The following PCDHA6 variants were observed in gnomAD, a reference collection of about 807,000 sequenced individuals.
PCDHA6 encodes protocadherin alpha 6.
A neutral mutation model predicts 60.3 loss-of-function variants in PCDHA6; 55 were observed. The ratio of observed to expected loss-of-function variants is 0.91; its 90% CI spans 0.73 to 1.14. PCDHA6 has a LOEUF of 1.14. PCDHA6 is among the 50% of genes most tolerant of loss of function. The pLI is 0.00. For missense variants in PCDHA6, 1,327 were observed against 1,256.5 expected, an observed-to-expected ratio of 1.06 and a Z score of -0.85; for synonymous variants, 652 against 557.9, an observed-to-expected ratio of 1.17 and a Z score of -2.38.
At chr5:140,917,157 G>A (rs77234668) in intron 1 of PCDHA6, among the ~76,000 whole-genome samples, 2,784 of 152,240 alleles carry the variant, frequency 0.018, 84 homozygotes, top group African/African-American at 0.063. Context: ...TGGGGGATAT[G>A]GGAGGGGTGA....
At chr5:140,859,113 T>C (rs1042936960) in intron 1 of PCDHA6, 1 of 150,138 alleles carries the variant, frequency 6.7e-6, no homozygotes, top group Non-Finnish European at 1.5e-5. Context: ...CAGAAGAAAA[T>C]GTATGTTTCT....
At chr5:140,899,781 T>C (rs1187719719) in intron 1 of PCDHA6, among the ~76,000 whole-genome samples, 1 of 152,218 alleles carries the variant, frequency 6.6e-6, no homozygotes, top group Non-Finnish European at 1.5e-5. Context: ...TTACCTCTGG[T>C]ATAATTCGGC....
rs1554217734 is a variant in PCDHA6, at chr5:140,946,611, A to AATATATATATATATAT, written c.2395-32332_2395-32317dup. Among the ~76,000 whole-genome samples, 269 of 86,770 alleles carry AATATATATATATATAT rather than the reference A, an allele frequency of 3.1e-3. 3 individuals carry two copies. The highest frequency in any genetic ancestry group is 0.011 in the Middle Eastern group (2 of 186). 56.9% of individuals were successfully genotyped at this position (86,770 alleles called of 152,430 possible). A position where few individuals can be genotyped will look rare whatever the true frequency, so the allele number is the denominator to read the frequency against. On this transcript the variant is annotated intron_variant, in intron 1 of 3. Coordinates refer to ENST00000529310, the MANE Select transcript of PCDHA6 (RefSeq NM_018909.4). ...GGATGAATAGATAAAGAAAATGTGAAATATATATATATATATATATACAAT... is the reference window on the plus strand; with the variant it reads ...GGATGAATAGATAAAGAAAATGTGAAATATATATATATATATATATATATATATATATATATACAAT...
Position 140,829,054 on chromosome 5 carries a change from C to G in PCDHA6, c.963C>G (p.Asp321Glu). The G allele has an allele frequency of 6.2e-7, 1 of 1,612,720 alleles. No individual in the cohort carries two copies. Among genetic ancestry groups the G allele is most frequent in the Non-Finnish European group, 8.5e-7 (1 of 1,178,776 alleles). Residue 321 changes from aspartate to glutamate, a missense_variant, in exon 1 of 4, where the codon GAC (aspartate) becomes GAG (glutamate). Physicochemically the swap from Asp to Glu is conservative, Grantham distance 45. Transcript: ENST00000529310. ...AAAACTTATACAAAATCCTCATTGA[C>G]GCCACGGACAAAGGCCATCCTCCCA... ...EQENLYKILI[D>E]ATDKGHPPMA...
chr5:140,957,594 A>C (rs2095369947), intron 1 of PCDHA6, among the ~76,000 whole-genome samples: 1 of 152,154 alleles, frequency 6.6e-6, no homozygotes, highest in Non-Finnish European at 1.5e-5. Context: ...AGCACTTCCC[A>C]GAATAAACAC....
intron 1 of PCDHA6, among the ~76,000 whole-genome samples, chr5:140,958,318 CA>C (rs2095417948): frequency 6.6e-6 from 1 of 151,816 alleles, no homozygotes; most frequent in Non-Finnish European, 1.5e-5. Flanking sequence ...AATTAGAGCT[CA>C]AAAAATAAAT....
intron 1 of PCDHA6, chr5:140,843,314 G>A (rs2150357213): frequency 6.3e-7 from 1 of 1,596,084 alleles, no homozygotes; most frequent in South Asian, 1.1e-5. Flanking sequence ...CACGGCCACG[G>A]TTCTGGTGTC....
chr5:140,858,813 G>A, intron 1 of PCDHA6: 1 of 351,180 alleles, frequency 2.8e-6, no homozygotes, highest in South Asian at 3.4e-5. Flanking sequence ...ATTTTGATTT[G>A]ATTGTATTTG....
At chr5:140,998,148 A>G (rs1229553205) in intron 3 of PCDHA6, among the ~76,000 whole-genome samples, 10 of 152,234 alleles carry the variant, frequency 6.6e-5, no homozygotes, top group Admixed American at 6.5e-4. Flanking sequence ...TGTACTGAAC[A>G]GTTAAGCCAT....
intron 1 of PCDHA6, chr5:140,835,465 A>G: frequency 6.2e-7 from 1 of 1,613,920 alleles, no homozygotes; most frequent in Non-Finnish European, 8.5e-7. Context: ...CCTATTCCAG[A>G]GGACGCCCAA....
At position 140,885,311 on chromosome 5, in the gene PCDHA6, T is replaced by C. The variant is rs3776122; in HGVS notation, c.2394+54826T>C. On this transcript the variant is annotated intron_variant, in intron 1 of 3. Transcript: ENST00000529310. Reference sequence around the variant, plus strand: ...AGAGAGAGACCTGGTAGGCTTTTTGTTATTATTTCTTTTCCAAAGTTTGAA... The same window carrying C: ...AGAGAGAGACCTGGTAGGCTTTTTGCTATTATTTCTTTTCCAAAGTTTGAA... Among the ~76,000 whole-genome samples, 52 of 152,304 alleles carry C rather than the reference T, an allele frequency of 3.4e-4. No individual in the cohort carries two copies. In the East Asian group the frequency reaches 7.5e-3, roughly 22 times the overall value.
At chr5:140,964,509 C>T (rs552530683) in intron 1 of PCDHA6, among the ~76,000 whole-genome samples, 1 of 152,258 alleles carries the variant, frequency 6.6e-6, no homozygotes, top group Non-Finnish European at 1.5e-5. Flanking sequence ...GGTCAATACC[C>T]AGTGGCCAGG....
intron 1 of PCDHA6, among the ~76,000 whole-genome samples, chr5:140,938,406 T>C (rs1283027205): frequency 6.6e-6 from 1 of 152,240 alleles, no homozygotes; most frequent in African/African-American, 2.4e-5. Flanking sequence ...ATTGTTTGAT[T>C]GGGTTTATTT....
intron 1 of PCDHA6, among the ~76,000 whole-genome samples, chr5:140,950,049 CTATT>C (rs2094445672): frequency 1.3e-5 from 2 of 151,756 alleles, no homozygotes; most frequent in Non-Finnish European, 3.0e-5. Flanking sequence ...CCATATAAGA[CTATT>C]TAGCTCTTCC....
At chr5:140,948,563 A>AT (rs1400147953) in intron 1 of PCDHA6, among the ~76,000 whole-genome samples, 1 of 151,546 alleles carries the variant, frequency 6.6e-6, no homozygotes, top group African/African-American at 2.4e-5. Flanking sequence ...GTTAAGTTGT[A>AT]TTTTTTAAAG....
rs2150155099 is a variant in PCDHA6 at position 140,828,417 on chromosome 5, T to C, written c.326T>C (p.Ile109Thr). The C allele has an allele frequency of 6.2e-7, 1 of 1,614,214 alleles. No individual in the cohort carries two copies. Among genetic ancestry groups the C allele is most frequent in the South Asian group, 1.1e-5 (1 of 91,082 alleles). The change falls in exon 1 of 4, where the codon ATC (isoleucine) becomes ACC (threonine). Residue 109 changes from isoleucine (I) to threonine (T), a missense_variant. Coordinates refer to ENST00000529310, the MANE Select transcript of PCDHA6 (RefSeq NM_018909.4). ...SAECSIHLEVIVDRPLQVFHV... is the reference protein window; with the variant it reads ...SAECSIHLEVTVDRPLQVFHV... ...GAGTGCAGCATCCACCTGGAGGTGATCGTGGACAGGCCGCTGCAGGTTTTC... is the reference window on the plus strand; with the variant it reads ...GAGTGCAGCATCCACCTGGAGGTGACCGTGGACAGGCCGCTGCAGGTTTTC...
At chr5:140,880,317 A>C (rs1295276378) in intron 1 of PCDHA6, among the ~76,000 whole-genome samples, 1 of 152,248 alleles carries the variant, frequency 6.6e-6, no homozygotes, top group East Asian at 1.9e-4. Flanking sequence ...ACAAGTAAAA[A>C]ATAAGATACT....
chr5:140,927,450 G>A (rs782619485), intron 1 of PCDHA6: 3 of 1,614,188 alleles, frequency 1.9e-6, no homozygotes, highest in South Asian at 1.1e-5. Context: ...CGGAGTTGGT[G>A]TTGGAGAAAG....
At chr5:140,942,418 A>G (rs1554214971) in intron 1 of PCDHA6, among the ~76,000 whole-genome samples, 2 of 152,146 alleles carry the variant, frequency 1.3e-5, no homozygotes, top group South Asian at 2.1e-4. Flanking sequence ...TTAAAAAAAA[A>G]AAAGATATCT....
Sources: allele counts gnomAD v4.1 joint callset (sites outside exome capture counted in the v4.1 genomes callset), GRCh38; gene constraint gnomAD v4.1.1; transcripts MANE v1.5; gene names NCBI Gene and HGNC (gene_info 2026-07-23, HGNC 2026-07-21).